Variants in FHIP1A observed in about 807,000 individuals in gnomAD.
FHIP1A encodes the protein FHF complex subunit HOOK interacting protein 1A.
FHIP1A carries 61 observed loss-of-function variants against 88.6 expected under a neutral mutation model. That is an observed-to-expected ratio of 0.69 (90% CI 0.56 to 0.85). The LOEUF (loss-of-function observed/expected upper bound fraction) is 0.85. FHIP1A is among the 40% of genes least tolerant of loss of function. FHIP1A has a pLI of 0.00. For synonymous variants in FHIP1A, 478 were observed against 496.0 expected (o/e 0.96, Z 0.48); for missense variants, 1,154 against 1,273.5 (o/e 0.91, Z 1.43).
rs1475618551 is a variant in FHIP1A, at chr4:151,666,022, C to G, written c.*3268C>G. Among the ~76,000 whole-genome samples the G allele has an allele frequency of 1.3e-5, 2 of 152,228 alleles. No individual in the cohort carries two copies. Among genetic ancestry groups the G allele is most frequent in the East Asian group, 3.8e-4 (2 of 5,196 alleles). On this transcript the variant is annotated 3_prime_UTR_variant, in exon 14 of 14. Coordinates refer to ENST00000435205, the MANE Select transcript of FHIP1A (RefSeq NM_001109977.3). ...GGAGCCAAGGGTTCCTGGAGTATCACAACATTAACCTCAATTCATAATTCA... is the reference window on the plus strand; with the variant it reads ...GGAGCCAAGGGTTCCTGGAGTATCAGAACATTAACCTCAATTCATAATTCA...
chr4:151,489,835 T>G (rs944969681), intron 3 of FHIP1A, among the ~76,000 whole-genome samples: 2 of 152,000 alleles, frequency 1.3e-5, no homozygotes, highest in Non-Finnish European at 2.9e-5. Flanking sequence ...AGAGTCTGAG[T>G]TCAGACCCGC....
At chr4:151,422,392 A>ATT (rs34290106) in intron 1 of FHIP1A, among the ~76,000 whole-genome samples, 2 of 150,920 alleles carry the variant, frequency 1.3e-5, no homozygotes, top group South Asian at 2.1e-4. Flanking sequence ...ATATATATGC[A>ATT]TTTTTTTAAT....
chr4:151,541,911 T>G (rs1732308260), intron 3 of FHIP1A, among the ~76,000 whole-genome samples: 1 of 152,198 alleles, frequency 6.6e-6, no homozygotes, highest in East Asian at 1.9e-4. Context: ...GCATTGCTTA[T>G]GCAGAGTACA....
chr4:151,589,514 C>G (rs1734345102), intron 7 of FHIP1A, among the ~76,000 whole-genome samples: 1 of 152,088 alleles, frequency 6.6e-6, no homozygotes, highest in Non-Finnish European at 1.5e-5. Flanking sequence ...AGGAGACACT[C>G]CTAGGCCTAG....
At chr4:151,605,790 T>C (rs1186885398) in intron 7 of FHIP1A, among the ~76,000 whole-genome samples, 1 of 152,206 alleles carries the variant, frequency 6.6e-6, no homozygotes, top group Non-Finnish European at 1.5e-5. Flanking sequence ...TGGAAGTTTT[T>C]TGGGGACTAG....
At chr4:151,439,962 C>G (rs1361958400) in intron 1 of FHIP1A, among the ~76,000 whole-genome samples, 1 of 152,036 alleles carries the variant, frequency 6.6e-6, no homozygotes, top group Non-Finnish European at 1.5e-5. Flanking sequence ...TGTATTAGTC[C>G]GTTCTCACAT....
chr4:151,565,776 C>G lies in FHIP1A; in HGVS notation c.-122-362C>G, dbSNP rs145056713. Among the ~76,000 whole-genome samples the G allele has an allele frequency of 4.8e-3, 729 of 151,628 alleles. 6 individuals are homozygous for G. Among genetic ancestry groups the G allele is most frequent in the Non-Finnish European group, 8.3e-3 (562 of 67,838 alleles). On this transcript the variant is annotated intron_variant, in intron 3 of 13. Transcript: ENST00000435205. The stretch of plus-strand genomic sequence containing the variant: ...CGGTTTTTGCCCTTGAAAGTAATGG[C>G]AAAAACCGCAATTACTTTTGCACCA...
chr4:151,669,942 G>A lies in FHIP1A; in HGVS notation c.*7188G>A, dbSNP rs1412245007. ...CCAGGAAGCATGAGTCGCTGAATTG[G>A]TGATGGAGGGGTGTCCACTTTTTTC... is the stretch of plus-strand genomic sequence containing the variant. On this transcript the variant is annotated 3_prime_UTR_variant, in exon 14 of 14. Transcript: ENST00000435205. 6.6e-6 allele frequency: 1 copy of A among 152,160 alleles called. No individual in the cohort carries two copies. The allele number at this position is 152,160 out of a possible 1,614,324, so 9.4% of individuals were successfully genotyped here.
chr4:151,549,382 T>C (rs1344658461), intron 3 of FHIP1A, among the ~76,000 whole-genome samples: 2 of 151,764 alleles, frequency 1.3e-5, no homozygotes, highest in Non-Finnish European at 1.5e-5. Flanking sequence ...ATATTTAACA[T>C]TGGGAGGCTG....
At chr4:151,598,558 CCTTATGCATTCTCTCAA>C (rs1389144374) in intron 7 of FHIP1A, among the ~76,000 whole-genome samples, 1 of 152,146 alleles carries the variant, frequency 6.6e-6, no homozygotes, top group Non-Finnish European at 1.5e-5. Flanking sequence ...ATTCTCTCAG[CCTTATGCATTCTCTCAA>C]CTTATGCATA....
chr4:151,425,733 G>A (rs1733341157), intron 1 of FHIP1A, among the ~76,000 whole-genome samples: 1 of 152,012 alleles, frequency 6.6e-6, no homozygotes, highest in Non-Finnish European at 1.5e-5. Flanking sequence ...GACTCTAGGG[G>A]AGAATCCTTG....
intron 7 of FHIP1A, among the ~76,000 whole-genome samples, chr4:151,621,876 A>G (rs1735760147): frequency 6.6e-6 from 1 of 152,040 alleles, no homozygotes; most frequent in African/African-American, 2.4e-5. Flanking sequence ...TGCATTTTCA[A>G]TGAAATGTTA....
intron 1 of FHIP1A, among the ~76,000 whole-genome samples, chr4:151,448,356 A>G (rs1197506538): frequency 6.6e-6 from 1 of 152,236 alleles, no homozygotes; most frequent in African/African-American, 2.4e-5. Context: ...CATACAGTTC[A>G]GTCGCATAAA....
rs571302065 is a variant in FHIP1A at position 151,648,600 on chromosome 4, C to T, written c.1418-859C>T. On this transcript the variant is annotated intron_variant, in intron 10 of 13. Transcript: ENST00000435205. The stretch of plus-strand genomic sequence containing the variant: ...TGCCTGTGCTTGAACTGTGGCTCTT[C>T]CACAATTTGGGTTGGGTGTTCTTTC... Among the ~76,000 whole-genome samples the T allele has an allele frequency of 1.5e-3, 224 of 152,038 alleles. 1 individual carries two copies. The highest frequency in any genetic ancestry group is 0.01 in the Middle Eastern group (3 of 294).
chr4:151,629,769 C>T lies in FHIP1A; in HGVS notation c.1046C>T (p.Pro349Leu). 1.3e-6 allele frequency: 2 copies of T among 1,551,476 alleles called. No homozygotes were observed. The highest frequency in any genetic ancestry group is 1.2e-5 in the South Asian group (1 of 84,054). The change falls in exon 8 of 14, where the codon CCA (proline) becomes CTA (leucine). Residue 349 changes from proline to leucine, a missense_variant. Coordinates refer to ENST00000435205, the MANE Select transcript of FHIP1A (RefSeq NM_001109977.3). Reference protein sequence around the residue: ...LDLFLRSISEPALLEIFLRFI... With the variant: ...LDLFLRSISELALLEIFLRFI... ...CTTTTCCTGCGTAGCATCTCCGAGC[C>T]AGCACTACTTGAGATCTTCCTCCGT...
At chr4:151,427,506 A>C (rs980705528) in intron 1 of FHIP1A, among the ~76,000 whole-genome samples, 134 of 152,300 alleles carry the variant, frequency 8.8e-4, no homozygotes, top group Non-Finnish European at 6.2e-4. Flanking sequence ...TCTATAAGTC[A>C]GACACAAAAA....
At position 151,627,937 on chromosome 4, in the gene FHIP1A, A is replaced by C. The variant is rs78211007; in HGVS notation, c.979-1765A>C. Among the ~76,000 whole-genome samples, 8 of 152,326 alleles carry C rather than the reference A, an allele frequency of 5.3e-5. No homozygotes were observed. The South Asian group carries it at 8.3e-4, about 16-fold the overall frequency. The stretch of plus-strand genomic sequence containing the variant: ...AAAGAAAAGACACAGTGTGCATCCC[A>C]GGGCAGCATTAGGAGTGCTTCATAT... On this transcript the variant is annotated intron_variant, in intron 7 of 13. Coordinates refer to ENST00000435205, the MANE Select transcript of FHIP1A (RefSeq NM_001109977.3).
chr4:151,480,619 AGGTGATACT>A (rs1405271497), intron 2 of FHIP1A, among the ~76,000 whole-genome samples: 11 of 152,082 alleles, frequency 7.2e-5, no homozygotes, highest in Admixed American at 7.2e-4. Flanking sequence ...TTTGGTTATG[AGGTGATACT>A]GGTAGTTCCC....
chr4:151,588,736 T>G (rs1734312419), intron 6 of FHIP1A, 104 bp from the exon 7 acceptor site: 1 of 789,198 alleles, frequency 1.3e-6, no homozygotes, highest in Admixed American at 2.0e-5. Context: ...ATGGCCAAAA[T>G]GTGGATTTCC....
Sources: allele counts gnomAD v4.1 joint callset (sites outside exome capture counted in the v4.1 genomes callset), GRCh38; gene constraint gnomAD v4.1.1; transcripts MANE v1.5; gene names NCBI Gene and HGNC (gene_info 2026-07-23, HGNC 2026-07-21).